The following CPAMD8 variants were observed in gnomAD, a reference collection of about 807,000 sequenced individuals.
The protein encoded by CPAMD8 is C3 and PZP like alpha-2-macroglobulin domain containing 8.
Under a neutral mutation model 224.7 loss-of-function variants are expected in CPAMD8, and 146 were observed. That is an observed-to-expected ratio of 0.65 (90% CI 0.57 to 0.75). The LOEUF is 0.75. Ranked by LOEUF, CPAMD8 falls within the 30% of genes least tolerant of loss-of-function variation. The pLI, the probability that CPAMD8 is intolerant of heterozygous loss-of-function variation, is 0.00. For missense variants in CPAMD8, 2,301 were observed against 2,537.5 expected, an observed-to-expected ratio of 0.91 and a Z score of 2.00; for synonymous variants, 966 against 1,044.6, an observed-to-expected ratio of 0.92 and a Z score of 1.45.
rs781062112 is a variant in CPAMD8 at position 16,893,222 on chromosome 19, C to T, written c.5544G>A (p.Arg1848=). 1.3e-6 allele frequency: 2 copies of T among 1,590,062 alleles called. No individual in the cohort carries two copies. The highest frequency in any genetic ancestry group is 1.7e-6 in the Non-Finnish European group (2 of 1,167,206). ...QTPAPQRHSG[R]VVGAHRPGLL... ...GCCCTGGCCTGTGGGCCCCCACCAC[C>T]CGGCCACTATGTCTCTGAGGGGCCG... The change falls in exon 42 of 42, where the codon CGG becomes CGA. Residue 1848 remains arginine, a synonymous_variant. Transcript: ENST00000443236.
rs141095246 is a variant in CPAMD8 at position 16,983,326 on chromosome 19, G to C, written c.1396-2640C>G. ...AGGCAGCAAAATTGCTTGAACCTGA[G>C]AGGCAGAGGTTCCAGTGAGCTGAGA... On this transcript the variant is annotated intron_variant, in intron 13 of 41. Coordinates refer to ENST00000443236, the MANE Select transcript of CPAMD8 (RefSeq NM_015692.5). Among the ~76,000 whole-genome samples the C allele has an allele frequency of 7.7e-3, 1,168 of 152,286 alleles. 17 individuals carry two copies. The highest frequency in any genetic ancestry group is 0.026 in the African/African-American group (1,081 of 41,558).
chr19:16,936,554 C>T (rs2145017578), intron 23 of CPAMD8, among the ~76,000 whole-genome samples: 1 of 152,222 alleles, frequency 6.6e-6, no homozygotes, highest in South Asian at 2.1e-4. Flanking sequence ...AGGCACCTGC[C>T]ACCATGCCTG....
At chr19:16,937,442 C>T (rs10451484) in intron 23 of CPAMD8, among the ~76,000 whole-genome samples, 13,181 of 151,992 alleles carry the variant, frequency 0.087, 1,674 homozygotes, top group African/African-American at 0.28. Context: ...GGTTCATTCT[C>T]GTGTAAGGTG....
chr19:16,893,386 A>T, intron 41 of CPAMD8, 47 bp from the exon 42 acceptor site: 1 of 1,331,958 alleles, frequency 7.5e-7, no homozygotes, highest in Non-Finnish European at 1.0e-6. Context: ...GCAAGTGGGC[A>T]CGGGGCCTCG....
At chr19:16,913,411 G>A (rs1423420163) in intron 29 of CPAMD8, among the ~76,000 whole-genome samples, 1 of 152,054 alleles carries the variant, frequency 6.6e-6, no homozygotes, top group Non-Finnish European at 1.5e-5. Context: ...AAGAGGAAGA[G>A]CACTAGAGCT....
chr19:16,925,393 G>A, intron 25 of CPAMD8, 21 bp from the exon 26 acceptor site: 2 of 1,599,054 alleles, frequency 1.3e-6, no homozygotes, highest in African/African-American at 1.3e-5. Context: ...GGAGAAGAGA[G>A]TTGAGTTGGG....
At chr19:16,965,448 C>T (rs1221590158) in intron 18 of CPAMD8, among the ~76,000 whole-genome samples, 2 of 152,128 alleles carry the variant, frequency 1.3e-5, no homozygotes, top group South Asian at 2.1e-4. Flanking sequence ...AGGATGCCCT[C>T]TCTCACCACT....
In CPAMD8 at chr19:16,929,234, A is replaced by G. The variant is rs753375349; in HGVS notation, c.2852T>C (p.Val951Ala). ...ATACTTGTTGGGGGTGGAGATGTGGACTCTCTCTGGATGGAGGAAAGGAGA... is the reference window on the plus strand; with the variant it reads ...ATACTTGTTGGGGGTGGAGATGTGGGCTCTCTCTGGATGGAGGAAAGGAGA... The part of the protein sequence containing the change: ...YSAFFCPSER[V>A]HISTPNKYEF... The change falls in exon 24 of 42, where the codon GTC becomes GCC. Residue 951 changes from valine (V) to alanine (A), a missense_variant. Transcript: ENST00000443236. 1 of 1,602,176 alleles carries G rather than the reference A, an allele frequency of 6.2e-7. No homozygotes were observed. The highest frequency in any genetic ancestry group is 2.2e-5 in the East Asian group (1 of 44,622).
In CPAMD8 at chr19:17,004,351, G is replaced by C. The variant is rs1298705478; in HGVS notation, c.595C>G (p.Pro199Ala). 6.2e-7 allele frequency: 1 copy of C among 1,613,476 alleles called. No homozygotes were observed. The highest frequency in any genetic ancestry group is 8.5e-7 in the Non-Finnish European group (1 of 1,179,552). ...TNMSFPLSDQPVLGEWFIFVE... is the reference protein window; with the variant it reads ...TNMSFPLSDQAVLGEWFIFVE... Reference sequence around the variant, plus strand: ...AAAATGAACCATTCTCCCAACACAGGCTGGTCGGACAAGGGGAAGCTCATG... The same window carrying C: ...AAAATGAACCATTCTCCCAACACAGCCTGGTCGGACAAGGGGAAGCTCATG... Residue 199 changes from proline (P) to alanine (A), a missense_variant, in exon 8 of 42, where the codon CCT becomes GCT. Pro to Ala is a conservative substitution (Grantham distance 27). This residue lies in a region of CPAMD8 where 283 missense variants were observed against 340.6 expected (regional missense o/e 0.83). Coordinates refer to ENST00000443236, the MANE Select transcript of CPAMD8 (RefSeq NM_015692.5).
rs1325508907 is a variant in CPAMD8 at position 16,957,911 on chromosome 19, C to T, written c.2218G>A (p.Glu740Lys). The T allele has an allele frequency of 8.7e-6, 14 of 1,613,582 alleles. No individual in the cohort carries two copies. The highest frequency in any genetic ancestry group is 1.2e-5 in the Non-Finnish European group (14 of 1,179,780). ...GGGAAGAAAGTCCTTTTTCTCTTCT[C>T]TGTTCTATGAAAAGAAAAAAAGAAA... ...VAPSRHPPRT[E>K]KRKRTFFPET... Residue 740 changes from glutamate to lysine, a missense_variant, in exon 19 of 42, where the codon GAG becomes AAG. By Grantham distance (56) the Glu-to-Lys change is moderately conservative (BLOSUM62 1). Transcript: ENST00000443236.
intron 35 of CPAMD8, among the ~76,000 whole-genome samples, chr19:16,902,166 G>A (rs1391344571): frequency 3.3e-5 from 5 of 151,682 alleles, no homozygotes. Context: ...TCCCCATCCA[G>A]CCCACCCGCC....
At chr19:16,938,489 G>A (rs1268514977) in intron 22 of CPAMD8, 43 bp from the exon 23 acceptor site, 3 of 1,226,800 alleles carry the variant, frequency 2.4e-6, no homozygotes, top group Admixed American at 4.0e-5. Flanking sequence ...GGGGCGGTGA[G>A]GGGGATGGTC....
intron 17 of CPAMD8, among the ~76,000 whole-genome samples, chr19:16,971,858 C>A (rs2055074201): frequency 6.6e-6 from 1 of 152,024 alleles, no homozygotes; most frequent in South Asian, 2.1e-4. Flanking sequence ...ACCAGCCTGG[C>A]CAACACGGTG....
Position 17,004,240 on chromosome 19 carries a change from G to A in CPAMD8, c.673+33C>T, listed in dbSNP as rs190840842. On this transcript the variant is annotated intron_variant, in intron 8 of 41. Transcript: ENST00000443236. The stretch of plus-strand genomic sequence containing the variant: ...AGTTTCTAAGGTTTCTCCCAGATCT[G>A]AAATCCCAAGACCCTGAGATTCTCC... 3 of 1,448,866 alleles carry A rather than the reference G, an allele frequency of 2.1e-6. No homozygotes were observed. In the East Asian group the frequency reaches 6.9e-5, roughly 33 times the overall value. The allele number at this position is 1,448,866 out of a possible 1,614,324, so 89.8% of individuals were successfully genotyped here. A position where few individuals can be genotyped will look rare whatever the true frequency, so the allele number is the denominator to read the frequency against.
rs905101787 is a variant in CPAMD8 at position 16,895,601 on chromosome 19, A to T, written c.5426+575T>A. ...GGGCTGTTTGTTGACTATGGTTGAG[A>T]TTACACAAATCTGCCCATGAGGAAA... is the stretch of plus-strand genomic sequence containing the variant. On this transcript the variant is annotated intron_variant, in intron 41 of 41. Transcript: ENST00000443236. 55 of 320,014 alleles carry T rather than the reference A, an allele frequency of 1.7e-4. 2 individuals carry two copies. The highest frequency in any genetic ancestry group is 1.4e-3 in the South Asian group (55 of 39,298). 19.8% of individuals were successfully genotyped at this position (320,014 alleles called of 1,614,324 possible). A position where few individuals can be genotyped will look rare whatever the true frequency, so the allele number is the denominator to read the frequency against.
intron 22 of CPAMD8, among the ~76,000 whole-genome samples, chr19:16,942,503 C>G (rs1391516612): frequency 6.6e-6 from 1 of 152,092 alleles, no homozygotes; most frequent in African/African-American, 2.4e-5. Flanking sequence ...AATAAATAAC[C>G]CAGTCTCAGG....
At chr19:16,940,936 G>GT (rs1186483429) in intron 22 of CPAMD8, among the ~76,000 whole-genome samples, 1 of 152,022 alleles carries the variant, frequency 6.6e-6, no homozygotes, top group African/African-American at 2.4e-5. Context: ...GTAGTTTTTT[G>GT]TTTTTTGTTT....
intron 20 of CPAMD8, among the ~76,000 whole-genome samples, chr19:16,948,253 A>G (rs1038577507): frequency 6.6e-6 from 1 of 152,218 alleles, no homozygotes; most frequent in African/African-American, 2.4e-5. Context: ...GAGCCTCAGA[A>G]TGTTGTCCCA....
intron 11 of CPAMD8, among the ~76,000 whole-genome samples, chr19:16,994,078 G>A (rs1036616770): frequency 1.3e-5 from 2 of 152,192 alleles, no homozygotes; most frequent in African/African-American, 4.8e-5. Context: ...ACTCCAGCCT[G>A]AGTGACTGAA....
Sources: gnomAD v4.1 joint callset for allele counts (sites outside exome capture counted in the v4.1 genomes callset) on GRCh38, gnomAD v4.1.1 for gene constraint, gnomAD v4.1.1 regional missense constraint, MANE v1.5 for transcripts, NCBI Gene and HGNC (gene_info 2026-07-23, HGNC 2026-07-21) for gene names.